SLC9B1: variants seen among roughly 807,000 people sequenced by gnomAD.
SLC9B1 encodes the protein solute carrier family 9 member B1.
In SLC9B1, 32 loss-of-function variants were observed where a neutral mutation model predicts 51.7. The observed-to-expected ratio is 0.62, with a 90% CI of 0.47 to 0.83. The LOEUF (loss-of-function observed/expected upper bound fraction) is 0.83, where lower values mean the gene tolerates loss of function less well. Ranked by LOEUF, SLC9B1 falls within the 40% of genes least tolerant of loss-of-function variation. SLC9B1 has a pLI of 0.00. For missense variants in SLC9B1, 406 were observed against 613.2 expected (o/e 0.66, Z 3.57); for synonymous variants, 145 against 212.7 (o/e 0.68, Z 2.77).
At chr4:102,995,892 T>C (rs1215994239) in intron 1 of SLC9B1, among the ~76,000 whole-genome samples, 3 of 152,184 alleles carry the variant, frequency 2.0e-5, no homozygotes, top group East Asian at 1.9e-4. Context: ...ACATGAATCA[T>C]CTTCCTCAAT....
At chr4:102,943,506 T>TACACACACACACACACACAC (rs373442152) in intron 6 of SLC9B1, among the ~76,000 whole-genome samples, 65 of 145,586 alleles carry the variant, frequency 4.5e-4, no homozygotes, top group Middle Eastern at 6.9e-3. Flanking sequence ...TGTGTATGTA[T>TACACACACACACACACACAC]ACACACACAC....
intron 7 of SLC9B1, among the ~76,000 whole-genome samples, chr4:102,912,638 T>TG (rs1735392446): frequency 6.6e-6 from 1 of 152,184 alleles, no homozygotes; most frequent in Admixed American, 6.5e-5. Flanking sequence ...CCTAGCACTT[T>TG]GGGAGGCCAA....
chr4:102,966,466 G>A (rs1245720011), intron 3 of SLC9B1, among the ~76,000 whole-genome samples: 1 of 152,174 alleles, frequency 6.6e-6, no homozygotes, highest in East Asian at 1.9e-4. Flanking sequence ...CTTGATCCAC[G>A]ACTGCGTGCC....
intron 6 of SLC9B1, among the ~76,000 whole-genome samples, chr4:102,940,246 C>T (rs1217703823): frequency 6.6e-6 from 1 of 152,134 alleles, no homozygotes; most frequent in Non-Finnish European, 1.5e-5. Context: ...AATGCAATCC[C>T]ATTCACAATA....
intron 3 of SLC9B1, among the ~76,000 whole-genome samples, chr4:102,972,117 G>T (rs1738795494): frequency 6.6e-6 from 1 of 152,080 alleles, no homozygotes; most frequent in African/African-American, 2.4e-5. Context: ...TATAAAAACA[G>T]GGAATCCTCC....
chr4:102,987,859 C>G lies in SLC9B1; in HGVS notation c.211+1941G>C, dbSNP rs145248867. ...GATTCTCTGAATCTGTCTAATCACTCCTATTTTTTGGGCAGCAGTTTGCCC... is the reference window on the plus strand; with the variant it reads ...GATTCTCTGAATCTGTCTAATCACTGCTATTTTTTGGGCAGCAGTTTGCCC... On this transcript the variant is annotated intron_variant, in intron 3 of 11. Transcript: ENST00000296422. Among the ~76,000 whole-genome samples the G allele has an allele frequency of 1.2e-3, 190 of 152,228 alleles. 6 individuals carry two copies. The East Asian group carries it at 0.03, about 24-fold the overall frequency.
chr4:102,912,921 G>A (rs373827367), intron 7 of SLC9B1, among the ~76,000 whole-genome samples: 3 of 152,262 alleles, frequency 2.0e-5, no homozygotes, highest in South Asian at 4.1e-4. Flanking sequence ...ATGGTGGAAT[G>A]GGGAGCTCCA....
At chr4:102,911,919 G>A in intron 7 of SLC9B1, 1 of 181,184 alleles carries the variant, frequency 5.5e-6, no homozygotes, top group Non-Finnish European at 1.2e-5. Flanking sequence ...GATTACTTGA[G>A]GTCAGGAGTT....
intron 11 of SLC9B1, chr4:102,887,464 T>G: frequency 1.1e-6 from 1 of 948,244 alleles, no homozygotes; most frequent in East Asian, 2.6e-5. Context: ...TCTTTGTGTA[T>G]AGAAAATTTT....
chr4:102,993,283 A>G (rs3974485), intron 1 of SLC9B1, among the ~76,000 whole-genome samples: 83,400 of 151,964 alleles, frequency 0.55, 23,477 homozygotes, highest in African/African-American at 0.69. Context: ...AGGTACAATG[A>G]GGGTACTGGG....
chr4:102,971,117 T>A (rs1311844313), intron 3 of SLC9B1, among the ~76,000 whole-genome samples: 1 of 152,202 alleles, frequency 6.6e-6, no homozygotes, highest in African/African-American at 2.4e-5. Flanking sequence ...GGACTTGAAC[T>A]CAGCTCTGCA....
intron 1 of SLC9B1, among the ~76,000 whole-genome samples, chr4:103,008,051 G>C (rs1740882623): frequency 6.6e-6 from 1 of 152,118 alleles, no homozygotes; most frequent in Non-Finnish European, 1.5e-5. Flanking sequence ...ACATATAAAT[G>C]ATCAGCTCAG....
At chr4:102,910,335 A>G in intron 9 of SLC9B1, 104 bp downstream of exon 9, 1 of 1,019,550 alleles carries the variant, frequency 9.8e-7, no homozygotes, top group Non-Finnish European at 1.4e-6. Flanking sequence ...GAGGACAGAA[A>G]ACCTTTTGGA....
intron 1 of SLC9B1, among the ~76,000 whole-genome samples, chr4:103,009,030 C>T (rs1740954724): frequency 6.6e-6 from 1 of 151,998 alleles, no homozygotes; most frequent in East Asian, 1.9e-4. Context: ...GATCTCCTGA[C>T]CTCGTGATCC....
chr4:103,016,437 C>T (rs545754678), intron 1 of SLC9B1, among the ~76,000 whole-genome samples: 5 of 152,086 alleles, frequency 3.3e-5, no homozygotes, highest in Non-Finnish European at 5.9e-5. Flanking sequence ...TATAGTACTA[C>T]GTCAATTTCT....
At chr4:102,893,281 C>CAAAAAAAAAAAAAAA (rs58316456) in intron 11 of SLC9B1, among the ~76,000 whole-genome samples, 8 of 35,162 alleles carry the variant, frequency 2.3e-4, no homozygotes, top group African/African-American at 5.9e-4. Context: ...GACTCCATCT[C>CAAAAAAAAAAAAAAA]AAAAAAAAAA....
intron 3 of SLC9B1, among the ~76,000 whole-genome samples, chr4:102,987,953 T>C (rs1739734658): frequency 6.6e-6 from 1 of 152,140 alleles, no homozygotes; most frequent in Non-Finnish European, 1.5e-5. Flanking sequence ...TTTTTATTTG[T>C]TTTTAGGACA....
intron 1 of SLC9B1, among the ~76,000 whole-genome samples, chr4:103,010,124 G>A (rs567299698): frequency 8.9e-4 from 135 of 152,232 alleles, no homozygotes; most frequent in African/African-American, 3.1e-3. Flanking sequence ...AAAGTGACAC[G>A]GTGTCTGTCT....
At chr4:103,016,267 C>A (rs562966413) in intron 1 of SLC9B1, among the ~76,000 whole-genome samples, 97 of 151,874 alleles carry the variant, frequency 6.4e-4, no homozygotes, top group Non-Finnish European at 1.2e-3. Flanking sequence ...AATATACACA[C>A]TCTCTCTTAT....
Sources: allele counts gnomAD v4.1 joint callset (sites outside exome capture counted in the v4.1 genomes callset), GRCh38; gene constraint gnomAD v4.1.1; transcripts MANE v1.5; gene names NCBI Gene and HGNC (gene_info 2026-07-23, HGNC 2026-07-21).